Variants in TCERG1 observed in about 807,000 individuals in gnomAD.
The protein encoded by TCERG1 is transcription elongation regulator 1.
In TCERG1, 37 loss-of-function variants were observed where a neutral mutation model predicts 144.7. The ratio of observed to expected loss-of-function variants is 0.26; its 90% CI spans 0.20 to 0.34. TCERG1 has a LOEUF of 0.34. Among genes scored for constraint, TCERG1 ranks in the 10% least tolerant of loss-of-function variants. The pLI, the probability that TCERG1 is intolerant of heterozygous loss-of-function variation, is 1.00. For missense variants in TCERG1, 1,027 were observed against 1,380.7 expected (o/e 0.74, Z 4.06); for synonymous variants, 492 against 458.2 (o/e 1.07, Z -0.94).
intron 17 of TCERG1, among the ~76,000 whole-genome samples, chr5:146,500,175 A>T (rs1422720472): frequency 1.4e-5 from 2 of 147,886 alleles, no homozygotes; most frequent in Non-Finnish European, 3.0e-5. Flanking sequence ...TTACTAGATT[A>T]AAAAAAAAAG....
intron 9 of TCERG1, among the ~76,000 whole-genome samples, chr5:146,473,817 T>A (rs1282944870): frequency 1.3e-5 from 2 of 152,186 alleles, no homozygotes; most frequent in Admixed American, 6.5e-5. Flanking sequence ...GTTTTTTTCC[T>A]CAAAATATTG....
chr5:146,491,735 G>A (rs1262175062), intron 15 of TCERG1, among the ~76,000 whole-genome samples: 1 of 152,076 alleles, frequency 6.6e-6, no homozygotes, highest in African/African-American at 2.4e-5. Context: ...ACTTTCTAGA[G>A]CAGGCAGTCA....
intron 2 of TCERG1, among the ~76,000 whole-genome samples, chr5:146,456,474 G>C (rs1762846631): frequency 6.6e-6 from 1 of 152,098 alleles, no homozygotes; most frequent in African/African-American, 2.4e-5. Flanking sequence ...TTTATATTAA[G>C]TCCAAGTGAT....
At chr5:146,496,183 G>A (rs1766886390) in intron 16 of TCERG1, among the ~76,000 whole-genome samples, 1 of 152,176 alleles carries the variant, frequency 6.6e-6, no homozygotes, top group African/African-American at 2.4e-5. Flanking sequence ...TTTATTTATG[G>A]AGAAACTTCT....
At chr5:146,483,388 C>T in intron 14 of TCERG1, 152 bp from the exon 15 acceptor site, 1 of 588,346 alleles carries the variant, frequency 1.7e-6, no homozygotes, top group South Asian at 2.6e-5. Context: ...TATTGCTAGC[C>T]TCCCACTGCT....
intron 1 of TCERG1, among the ~76,000 whole-genome samples, chr5:146,451,484 G>A (rs1458501964): frequency 2.0e-5 from 3 of 151,616 alleles, no homozygotes; most frequent in Admixed American, 6.6e-5. Flanking sequence ...CACCACACCC[G>A]GCTAATTTCT....
chr5:146,485,275 C>T (rs1178430261), intron 15 of TCERG1, among the ~76,000 whole-genome samples: 1 of 152,210 alleles, frequency 6.6e-6, no homozygotes, highest in African/African-American at 2.4e-5. Context: ...GCCTTCTAAT[C>T]AATCTAAGTA....
At chr5:146,461,752 A>G (rs975672553) in intron 4 of TCERG1, among the ~76,000 whole-genome samples, 3 of 152,166 alleles carry the variant, frequency 2.0e-5, no homozygotes, top group African/African-American at 7.2e-5. Flanking sequence ...GAGCTACAGT[A>G]TAGATCTGTG....
intron 15 of TCERG1, among the ~76,000 whole-genome samples, chr5:146,487,919 C>G (rs1766001350): frequency 1.3e-5 from 2 of 151,994 alleles, no homozygotes; most frequent in South Asian, 2.1e-4. Context: ...ACCAAAGGAA[C>G]AGAATAGGGA....
intron 14 of TCERG1, 105 bp downstream of exon 14, chr5:146,482,832 G>T (rs542016417): frequency 1.6e-4 from 214 of 1,318,990 alleles, no homozygotes; most frequent in Non-Finnish European, 1.8e-4. Flanking sequence ...TTATGGGGGG[G>T]GATAAGGGGA....
chr5:146,486,813 G>A (rs1765881197), intron 15 of TCERG1, among the ~76,000 whole-genome samples: 1 of 152,218 alleles, frequency 6.6e-6, no homozygotes, highest in South Asian at 2.1e-4. Flanking sequence ...GGTGGCTCAT[G>A]CCTGTAATCC....
chr5:146,479,532 A>G (rs1310295632), intron 10 of TCERG1, among the ~76,000 whole-genome samples: 1 of 152,118 alleles, frequency 6.6e-6, no homozygotes, highest in African/African-American at 2.4e-5. Context: ...TTTTTCGTGA[A>G]TTTGTTTTTA....
At position 146,478,618 on chromosome 5, in the gene TCERG1, C is replaced by G. The variant is rs776781325; in HGVS notation, c.1727C>G (p.Pro576Arg). The change falls in exon 10 of 23, where the codon CCT (proline) becomes CGT (arginine). Residue 576 changes from proline to arginine, a missense_variant. Coordinates refer to ENST00000679501, the MANE Select transcript of TCERG1 (RefSeq NM_001382548.1). ...GTTGACAAAATTATTCAGGAGCCCC[C>G]TCATAAAAAAGGAATGGAGGAATTG... is the stretch of plus-strand genomic sequence containing the variant. ...ADVDKIIQEP[P>R]HKKGMEELKK... 1 of 1,602,464 alleles carries G rather than the reference C, an allele frequency of 6.2e-7. No homozygotes were observed. The highest frequency in any genetic ancestry group is 8.5e-7 in the Non-Finnish European group (1 of 1,176,352).
chr5:146,458,333 C>A (rs982380406), intron 3 of TCERG1, among the ~76,000 whole-genome samples: 9 of 151,492 alleles, frequency 5.9e-5, no homozygotes, highest in African/African-American at 1.9e-4. Context: ...CCTGCCATCA[C>A]GTCTAGCTAA....
At chr5:146,493,065 C>T (rs1561690223) in intron 16 of TCERG1, 27 bp downstream of exon 16, 3 of 1,415,126 alleles carry the variant, frequency 2.1e-6, no homozygotes, top group Non-Finnish European at 2.9e-6. Flanking sequence ...TCTTAAATAT[C>T]AAAGTGTATT....
rs148021828 is a variant in TCERG1, at chr5:146,475,082, C to T, written c.1602-3411C>T. Among the ~76,000 whole-genome samples, 496 of 152,190 alleles carry T rather than the reference C, an allele frequency of 3.3e-3. 9 individuals carry two copies. The highest frequency in any genetic ancestry group is 0.011 in the African/African-American group (465 of 41,514). ...CAACTTATTTAATCTATATACAATC[C>T]ACACATTGCAATGATTTGGCTTGTT... On this transcript the variant is annotated intron_variant, in intron 9 of 22. Coordinates refer to ENST00000679501, the MANE Select transcript of TCERG1 (RefSeq NM_001382548.1).
rs188294489 is a variant in TCERG1 at position 146,510,367 on chromosome 5, G to A, written c.3147-74G>A. On this transcript the variant is annotated intron_variant, in intron 22 of 22. Coordinates refer to ENST00000679501, the MANE Select transcript of TCERG1 (RefSeq NM_001382548.1). ...TGGAAACACAATTAGGAACTAGATG[G>A]ACATTTCCAGCTCATTTCTGAAAGA... 6.2e-5 allele frequency: 67 copies of A among 1,081,926 alleles called. No individual in the cohort carries two copies. The East Asian group carries it at 1.3e-3, about 21-fold the overall frequency. The allele number at this position is 1,081,926 out of a possible 1,614,324, so 67.0% of individuals were successfully genotyped here.
intron 18 of TCERG1, 109 bp from the exon 19 acceptor site, chr5:146,503,715 T>C: frequency 7.1e-7 from 1 of 1,414,380 alleles, no homozygotes; most frequent in Non-Finnish European, 9.5e-7. Context: ...TTAGGTATAT[T>C]CTGGGCAAAA....
chr5:146,459,135 G>C lies in TCERG1; in HGVS notation c.690G>C (p.Gln230His), dbSNP rs914202664. ...QAQAQAQAQA[Q>H]AQAQAQAQAQ... Reference sequence around the variant, plus strand: ...AAGCCCAAGCCCAGGCCCAGGCTCAGGCTCAGGCACAAGCTCAGGCCCAGG... The same window carrying C: ...AAGCCCAAGCCCAGGCCCAGGCTCACGCTCAGGCACAAGCTCAGGCCCAGG... The change falls in exon 4 of 23, where the codon CAG becomes CAC. Residue 230 changes from glutamine to histidine, a missense_variant. Gln to His is a conservative substitution (Grantham distance 24). Around this residue, in one of 6 missense-constraint regions of TCERG1, gnomAD observed 187 missense variants for 169.1 expected, o/e 1.11. Transcript: ENST00000679501. 2 of 1,604,878 alleles carry C rather than the reference G, an allele frequency of 1.2e-6. No homozygotes were observed. Among genetic ancestry groups the C allele is most frequent in the Non-Finnish European group, 1.7e-6 (2 of 1,172,714 alleles).
Sources: allele counts gnomAD v4.1 joint callset (sites outside exome capture counted in the v4.1 genomes callset), GRCh38; gene constraint gnomAD v4.1.1; regional missense constraint gnomAD v4.1.1; transcripts MANE v1.5; gene names NCBI Gene and HGNC (gene_info 2026-07-23, HGNC 2026-07-21).